KDM5A: variants seen among roughly 807,000 people sequenced by gnomAD.
The protein encoded by KDM5A is lysine-specific demethylase 5A.
Under a neutral mutation model 193.5 loss-of-function variants are expected in KDM5A, and 42 were observed. The ratio of observed to expected loss-of-function variants is 0.22; its 90% CI spans 0.17 to 0.28. The LOEUF (loss-of-function observed/expected upper bound fraction) is 0.28, where lower values mean the gene tolerates loss of function less well. Ranked by LOEUF, KDM5A falls within the 10% of genes least tolerant of loss-of-function variation. The pLI is 1.00. For missense variants in KDM5A, 1,692 were observed against 2,055.1 expected, an observed-to-expected ratio of 0.82 and a Z score of 3.42; for synonymous variants, 796 against 718.1, an observed-to-expected ratio of 1.11 and a Z score of -1.73.
At chr12:370,669 G>A (rs991808979) in intron 3 of KDM5A, among the ~76,000 whole-genome samples, 4 of 151,950 alleles carry the variant, frequency 2.6e-5, no homozygotes, top group South Asian at 2.1e-4. Flanking sequence ...ACAACGTGCA[G>A]GTTTGTTACA....
chr12:339,431 C>G (rs1427366682), intron 10 of KDM5A, among the ~76,000 whole-genome samples: 1 of 152,096 alleles, frequency 6.6e-6, no homozygotes, highest in Non-Finnish European at 1.5e-5. Context: ...CATCTTATAA[C>G]AAAAACAGAG....
intron 3 of KDM5A, among the ~76,000 whole-genome samples, chr12:379,953 G>A (rs1944554922): frequency 6.6e-6 from 1 of 152,110 alleles, no homozygotes; most frequent in Non-Finnish European, 1.5e-5. Context: ...TCCCTATTTT[G>A]AAATCCTATG....
At chr12:369,253 A>C (rs1255505001) in intron 3 of KDM5A, among the ~76,000 whole-genome samples, 1 of 152,234 alleles carries the variant, frequency 6.6e-6, no homozygotes, top group Non-Finnish European at 1.5e-5. Flanking sequence ...AAAATGGTTT[A>C]GATAGAGGGC....
intron 3 of KDM5A, among the ~76,000 whole-genome samples, chr12:378,720 A>T (rs1944538638): frequency 6.6e-6 from 1 of 152,222 alleles, no homozygotes; most frequent in African/African-American, 2.4e-5. Context: ...GCACTTTGGG[A>T]GGCCAAGGCG....
intron 14 of KDM5A, 144 bp from the exon 15 acceptor site, chr12:323,925 C>T (rs1391737121): frequency 2.8e-6 from 2 of 713,386 alleles, no homozygotes; most frequent in African/African-American, 1.8e-5. Flanking sequence ...CATCAAAATA[C>T]TTCCTAAAAG....
rs775939485 is a variant in KDM5A at position 389,305 on chromosome 12, A to C, written c.-214T>G. 2.9e-5 allele frequency: 20 copies of C among 685,528 alleles called. No individual in the cohort carries two copies. Among genetic ancestry groups the C allele is most frequent in the Non-Finnish European group, 4.3e-5 (16 of 376,436 alleles). The allele number at this position is 685,528 out of a possible 1,614,324, so 42.5% of individuals were successfully genotyped here. On this transcript the variant is annotated 5_prime_UTR_variant, in exon 1 of 28. Transcript: ENST00000399788. ...CCACTGAGGTTCAGGACTTTTCCGG[A>C]AGTTACCGTGCTGTCAAATCCCTCC...
At chr12:377,636 A>G (rs1944523357) in intron 3 of KDM5A, among the ~76,000 whole-genome samples, 2 of 152,378 alleles carry the variant, frequency 1.3e-5, no homozygotes, top group East Asian at 1.9e-4. Flanking sequence ...AAAGTTTAAG[A>G]GCAGAACATT....
At chr12:333,963 A>C (rs1464376323) in intron 11 of KDM5A, among the ~76,000 whole-genome samples, 1 of 152,210 alleles carries the variant, frequency 6.6e-6, no homozygotes, top group Non-Finnish European at 1.5e-5. Flanking sequence ...GCACTGTCCC[A>C]AAGGATGCTG....
chr12:301,881 CACAA>C (rs144729439), intron 24 of KDM5A, among the ~76,000 whole-genome samples: 44,797 of 151,834 alleles, frequency 0.3, 6,782 homozygotes, highest in East Asian at 0.51. Flanking sequence ...GCCATTCACA[CACAA>C]ACAGAGAGCC....
intron 16 of KDM5A, among the ~76,000 whole-genome samples, chr12:322,824 TG>T (rs1565533538): frequency 6.6e-6 from 1 of 152,218 alleles, no homozygotes; most frequent in Non-Finnish European, 1.5e-5. Flanking sequence ...TCAGTCTTAC[TG>T]GTAATAGTGG....
chr12:322,932 A>T, intron 16 of KDM5A, 150 bp downstream of exon 16: 1 of 982,750 alleles, frequency 1.0e-6, no homozygotes, highest in Non-Finnish European at 1.5e-6. Context: ...ATAGAAAATT[A>T]AGTCTATATT....
At chr12:357,329 C>T (rs550806117) in intron 5 of KDM5A, among the ~76,000 whole-genome samples, 12 of 83,998 alleles carry the variant, frequency 1.4e-4, no homozygotes, top group African/African-American at 6.3e-4. Context: ...TAGTGACCCC[C>T]GTTTCTACCA....
At chr12:297,347 G>T in intron 24 of KDM5A, 147 bp from the exon 25 acceptor site, 1 of 767,614 alleles carries the variant, frequency 1.3e-6, no homozygotes, top group Non-Finnish European at 2.1e-6. Context: ...AAATAAGATA[G>T]AAAATGTCCA....
chr12:371,266 C>G (rs955484365), intron 3 of KDM5A, among the ~76,000 whole-genome samples: 4 of 152,196 alleles, frequency 2.6e-5, no homozygotes, highest in Non-Finnish European at 5.9e-5. Context: ...TCCACATCCT[C>G]TCCAGCACCT....
intron 21 of KDM5A, among the ~76,000 whole-genome samples, chr12:310,371 C>G (rs1943568208): frequency 6.6e-6 from 1 of 152,160 alleles, no homozygotes; most frequent in African/African-American, 2.4e-5. Context: ...TGGCTCACAC[C>G]TGTAATCCCA....
At chr12:309,496 T>C (rs537266328) in intron 22 of KDM5A, among the ~76,000 whole-genome samples, 7 of 152,194 alleles carry the variant, frequency 4.6e-5, no homozygotes, top group Non-Finnish European at 7.3e-5. Flanking sequence ...AAGAAGCTAT[T>C]GATAAAATTA....
intron 10 of KDM5A, among the ~76,000 whole-genome samples, chr12:338,303 T>C (rs1943959229): frequency 6.6e-6 from 1 of 152,232 alleles, no homozygotes; most frequent in Non-Finnish European, 1.5e-5. Flanking sequence ...GTTTGGAATT[T>C]TGGTATGTGA....
chr12:340,976 G>A (rs1943996968), intron 10 of KDM5A, among the ~76,000 whole-genome samples: 2 of 152,090 alleles, frequency 1.3e-5, no homozygotes, highest in African/African-American at 4.8e-5. Flanking sequence ...AGATAAATGA[G>A]TATGTTTTCA....
chr12:347,236 C>T (rs749635797), intron 10 of KDM5A, among the ~76,000 whole-genome samples: 3 of 152,286 alleles, frequency 2.0e-5, no homozygotes, highest in Admixed American at 6.5e-5. Flanking sequence ...AGGAGAACTA[C>T]AAACCACTGC....
Sources: allele counts gnomAD v4.1 joint callset (sites outside exome capture counted in the v4.1 genomes callset), GRCh38; gene constraint gnomAD v4.1.1; transcripts MANE v1.5; gene names NCBI Gene and HGNC (gene_info 2026-07-23, HGNC 2026-07-21).